CDH18: variants seen among roughly 807,000 people sequenced by gnomAD.
The protein encoded by CDH18 is cadherin 18, also known as cadherin-18.
A neutral mutation model predicts 67.9 loss-of-function variants in CDH18; 31 were observed. The observed-to-expected ratio is 0.46, with a 90% CI of 0.34 to 0.62. CDH18 has a LOEUF of 0.62. Ranked by LOEUF, CDH18 falls within the 20% of genes least tolerant of loss-of-function variation. The pLI, the probability that CDH18 is intolerant of heterozygous loss-of-function variation, is 0.01. For synonymous variants in CDH18, 362 were observed against 347.2 expected (o/e 1.04, Z -0.48); for missense variants, 890 against 975.5 (o/e 0.91, Z 1.17).
intron 2 of CDH18, among the ~76,000 whole-genome samples, chr5:20,116,587 A>G (rs1053705478): frequency 2.6e-5 from 4 of 152,180 alleles, no homozygotes; most frequent in Non-Finnish European, 5.9e-5. Context: ...ATATATTTTA[A>G]GTGTTGTTAT....
chr5:19,925,158 C>A (rs1792948133), intron 2 of CDH18, among the ~76,000 whole-genome samples: 2 of 152,262 alleles, frequency 1.3e-5, no homozygotes, highest in South Asian at 4.1e-4. Context: ...TACTTTCCTG[C>A]ATTTATCGAT....
intron 2 of CDH18, chr5:20,255,432 T>C (rs977507467): frequency 2.0e-5 from 3 of 152,120 alleles, no homozygotes. Context: ...TAAGAGAAAG[T>C]ATAAGTTTTA....
chr5:20,113,751 T>C (rs1747669334), intron 2 of CDH18, among the ~76,000 whole-genome samples: 2 of 152,184 alleles, frequency 1.3e-5, no homozygotes, highest in Admixed American at 1.3e-4. Context: ...TAATACTAAT[T>C]GCTAGGGAAA....
At position 19,647,792 on chromosome 5, in the gene CDH18, C is replaced by T. The variant is rs79823467; in HGVS notation, c.644-35191G>A. Among the ~76,000 whole-genome samples the T allele has an allele frequency of 1.6e-3, 243 of 152,102 alleles. 1 individual carries two copies. Among genetic ancestry groups the T allele is most frequent in the African/African-American group, 5.5e-3 (230 of 41,520 alleles). On this transcript the variant is annotated intron_variant, in intron 5 of 12. Transcript: ENST00000382275. ...CTCTTTTATTCATTATGCATACACC[C>T]TAGAGGAGACTGAAGGTGGAATAGA...
chr5:20,166,256 C>G (rs1736272670), intron 2 of CDH18, among the ~76,000 whole-genome samples: 1 of 151,768 alleles, frequency 6.6e-6, no homozygotes, highest in South Asian at 2.1e-4. Context: ...GCCTGGCCAA[C>G]ATGGTGAAAC....
At chr5:19,748,864 A>G (rs1770469504) in intron 3 of CDH18, among the ~76,000 whole-genome samples, 1 of 152,270 alleles carries the variant, frequency 6.6e-6, no homozygotes, top group East Asian at 1.9e-4. Flanking sequence ...GAAAGCATGT[A>G]AAAAATTACC....
intron 2 of CDH18, among the ~76,000 whole-genome samples, chr5:19,974,345 A>C (rs1359878017): frequency 6.6e-6 from 1 of 151,866 alleles, no homozygotes; most frequent in Non-Finnish European, 1.5e-5. Flanking sequence ...TAGCCTGGCC[A>C]ATGTGGTGAA....
At chr5:19,618,093 C>G (rs923423071) in intron 5 of CDH18, among the ~76,000 whole-genome samples, 2 of 152,108 alleles carry the variant, frequency 1.3e-5, no homozygotes, top group Non-Finnish European at 2.9e-5. Context: ...AATAAACAAG[C>G]CTGCACATTT....
At chr5:20,220,799 A>G (rs1163422078) in intron 2 of CDH18, among the ~76,000 whole-genome samples, 1 of 152,100 alleles carries the variant, frequency 6.6e-6, no homozygotes, top group Non-Finnish European at 1.5e-5. Flanking sequence ...TAATCCAATC[A>G]AAATGGGCAA....
chr5:19,945,035 C>T (rs1250167512), intron 2 of CDH18, among the ~76,000 whole-genome samples: 1 of 151,798 alleles, frequency 6.6e-6, no homozygotes, highest in Non-Finnish European at 1.5e-5. Flanking sequence ...AGTGTGGATC[C>T]CCCAATCTCT....
At chr5:20,121,502 G>A (rs1024187261) in intron 2 of CDH18, among the ~76,000 whole-genome samples, 2 of 152,038 alleles carry the variant, frequency 1.3e-5, no homozygotes, top group African/African-American at 2.4e-5. Flanking sequence ...ACTCTTGTAG[G>A]AAACAGCAAA....
At chr5:20,069,044 GA>G (rs556194627) in intron 2 of CDH18, among the ~76,000 whole-genome samples, 4 of 152,016 alleles carry the variant, frequency 2.6e-5, no homozygotes, top group African/African-American at 7.2e-5. Context: ...GTGAATGGGG[GA>G]AAAAAAGGAG....
At chr5:20,261,739 A>AG (rs908104636) in intron 1 of CDH18, among the ~76,000 whole-genome samples, 1 of 152,168 alleles carries the variant, frequency 6.6e-6, no homozygotes, top group East Asian at 1.9e-4. Context: ...TAAAAAAAAA[A>AG]AATGATAGAG....
At chr5:20,066,421 C>G (rs529889778) in intron 2 of CDH18, among the ~76,000 whole-genome samples, 1 of 151,970 alleles carries the variant, frequency 6.6e-6, no homozygotes, top group Non-Finnish European at 1.5e-5. Flanking sequence ...TATTCAAGGT[C>G]GTATTATCAC....
chr5:20,428,536 G>A (rs576426013), intron 1 of CDH18, among the ~76,000 whole-genome samples: 2 of 152,272 alleles, frequency 1.3e-5, no homozygotes, highest in South Asian at 2.1e-4. Flanking sequence ...TTCCATAGTG[G>A]TTGAAATAAT....
chr5:20,028,781 T>C (rs1412628810), intron 2 of CDH18, among the ~76,000 whole-genome samples: 2 of 152,146 alleles, frequency 1.3e-5, no homozygotes, highest in Admixed American at 1.3e-4. Flanking sequence ...CATCACAGAA[T>C]TTAAAACTTA....
intron 1 of CDH18, among the ~76,000 whole-genome samples, chr5:20,371,319 G>C (rs1462515703): frequency 6.6e-6 from 1 of 152,122 alleles, no homozygotes; most frequent in Non-Finnish European, 1.5e-5. Context: ...TATTGGATGA[G>C]TTTCATATAA....
At chr5:20,451,615 T>G (rs759304017) in intron 1 of CDH18, among the ~76,000 whole-genome samples, 12 of 152,164 alleles carry the variant, frequency 7.9e-5, no homozygotes, top group Non-Finnish European at 1.3e-4. Flanking sequence ...CCTCATTAAG[T>G]GTTGGCAAGA....
chr5:19,922,396 G>A (rs1230643360), intron 2 of CDH18, among the ~76,000 whole-genome samples: 1 of 152,098 alleles, frequency 6.6e-6, no homozygotes, highest in Non-Finnish European at 1.5e-5. Context: ...GTTCACAAAT[G>A]TTAAATATAG....
Sources: gnomAD v4.1 joint callset for allele counts (sites outside exome capture counted in the v4.1 genomes callset) on GRCh38, gnomAD v4.1.1 for gene constraint, MANE v1.5 for transcripts, NCBI Gene and HGNC (gene_info 2026-07-23, HGNC 2026-07-21) for gene names.